PKN3: variants seen among roughly 807,000 people sequenced by gnomAD.
The protein encoded by PKN3 is protein kinase N3.
In PKN3, 91 loss-of-function variants were observed where a neutral mutation model predicts 113.1. That is an observed-to-expected ratio of 0.80 (90% confidence interval 0.68 to 0.96). The LOEUF is 0.96. PKN3 is among the 40% of genes least tolerant of loss of function. PKN3 has a pLI of 0.00. For synonymous variants in PKN3, 467 were observed against 499.0 expected, an observed-to-expected ratio of 0.94 and a Z score of 0.85; for missense variants, 1,052 against 1,202.2, an observed-to-expected ratio of 0.88 and a Z score of 1.85.
Position 128,716,755 on chromosome 9 carries a change from G to A in PKN3, c.1817G>A (p.Cys606Tyr). Reference sequence around the variant, plus strand: ...CTTGCTCTCTCCTGTAGCCTGTACTGCGAGAAGCGGATCCTGGAGGCTGTG... The same window carrying A: ...CTTGCTCTCTCCTGTAGCCTGTACTACGAGAAGCGGATCCTGGAGGCTGTG... ...LSRDEIESLY[C>Y]EKRILEAVGC... Residue 606 changes from cysteine (C) to tyrosine (Y), a missense_variant, in exon 16 of 22, where the codon TGC (cysteine) becomes TAC (tyrosine). Around this residue, in one of 2 missense-constraint regions of PKN3, gnomAD observed 333 missense variants for 442.8 expected, o/e 0.75. Coordinates refer to ENST00000291906, the MANE Select transcript of PKN3 (RefSeq NM_013355.5). 2 of 1,613,810 alleles carry A rather than the reference G, an allele frequency of 1.2e-6. No individual in the cohort carries two copies. Among genetic ancestry groups the A allele is most frequent in the Non-Finnish European group, 1.7e-6 (2 of 1,179,760 alleles).
At chr9:128,703,528 G>A in intron 1 of PKN3, 1 of 985,456 alleles carries the variant, frequency 1.0e-6, no homozygotes, top group Non-Finnish European at 1.2e-6. Context: ...GCTGGCAGTA[G>A]GTGCGCGTGG....
chr9:128,706,336 T>C (rs943379953), intron 3 of PKN3, among the ~76,000 whole-genome samples: 2 of 151,502 alleles, frequency 1.3e-5, no homozygotes, highest in Non-Finnish European at 2.9e-5. Context: ...GCTTAGCCCC[T>C]GCCCTGATCT....
chr9:128,713,929 C>T (rs1256970122), intron 9 of PKN3, 117 bp from the exon 10 acceptor site: 2 of 1,056,576 alleles, frequency 1.9e-6, no homozygotes, highest in Non-Finnish European at 2.9e-6. Flanking sequence ...CTGGGTCTTT[C>T]TGGCTCTTGC....
chr9:128,706,817 G>T lies in PKN3; in HGVS notation c.516G>T (p.Pro172=). 1 of 1,610,636 alleles carries T rather than the reference G, an allele frequency of 6.2e-7. No individual in the cohort carries two copies. Among genetic ancestry groups the T allele is most frequent in the Non-Finnish European group, 8.5e-7 (1 of 1,177,604 alleles). ...KISSLEASGS[P]EPGPELLAEE... is the part of the protein sequence containing the mutation. The stretch of plus-strand genomic sequence containing the variant: ...GCAGCCTGGAGGCCAGTGGGTCCCC[G>T]GAGCCAGGTGAGGCCTTGAGACACA... The change falls in exon 4 of 22, where the codon CCG becomes CCT. Residue 172 remains proline (P), a synonymous_variant. Transcript: ENST00000291906.
chr9:128,703,179 C>T (rs1243677095), intron 1 of PKN3, among the ~76,000 whole-genome samples: 1 of 152,226 alleles, frequency 6.6e-6, no homozygotes, highest in Non-Finnish European at 1.5e-5. Flanking sequence ...GAGACTGAAC[C>T]CCAACCAGCC....
intron 18 of PKN3, 125 bp from the exon 19 acceptor site, chr9:128,719,561 C>T (rs551987239): frequency 7.2e-6 from 7 of 969,394 alleles, no homozygotes; most frequent in South Asian, 1.8e-5. Flanking sequence ...TAACCATTCC[C>T]ACTTCCTTGG....
chr9:128,714,466 C>G (rs1038989369), intron 11 of PKN3, 96 bp from the exon 12 acceptor site: 108 of 1,163,138 alleles, frequency 9.3e-5, no homozygotes, highest in Non-Finnish European at 1.4e-4. Flanking sequence ...GCTCAGCCCG[C>G]TAACCCTCTG....
chr9:128,716,987 T>C, intron 16 of PKN3, 64 bp downstream of exon 16: 1 of 1,377,396 alleles, frequency 7.3e-7, no homozygotes, highest in Non-Finnish European at 1.0e-6. Context: ...ACACCCACTC[T>C]CTACATACTG....
intron 15 of PKN3, among the ~76,000 whole-genome samples, chr9:128,716,002 TAAAA>T (rs1276218034): frequency 8.6e-6 from 1 of 115,874 alleles, no homozygotes; most frequent in East Asian, 2.5e-4. Flanking sequence ...AAAAACTAAT[TAAAA>T]AAAAAAAAAG....
intron 15 of PKN3, 107 bp from the exon 16 acceptor site, chr9:128,716,640 C>T: frequency 1.2e-6 from 1 of 813,792 alleles, no homozygotes; most frequent in Non-Finnish European, 2.0e-6. Flanking sequence ...GTCTACTTGC[C>T]TGGCACTTTG....
intron 6 of PKN3, chr9:128,710,142 A>AG (rs1346395638): frequency 6.6e-6 from 1 of 151,906 alleles, no homozygotes; most frequent in East Asian, 2.0e-4. Context: ...CGTGTTAGCC[A>AG]GGATGGTCTC....
In PKN3 at chr9:128,720,687, G is replaced by A; in HGVS notation, c.*81G>A. ...CGTTCACCCGTGCGCCCTGCCTGGA[G>A]GTCCAGGCCTTGCTGGGTACTTCTG... is the stretch of plus-strand genomic sequence containing the variant. On this transcript the variant is annotated 3_prime_UTR_variant, in exon 22 of 22. Coordinates refer to ENST00000291906, the MANE Select transcript of PKN3 (RefSeq NM_013355.5). This position sits in a 1 kb window ranked among gnomAD's most constrained non-coding sequence, Gnocchi z 5.5. 1 of 1,228,836 alleles carries A rather than the reference G, an allele frequency of 8.1e-7. No homozygotes were observed. The highest frequency in any genetic ancestry group is 2.5e-5 in the East Asian group (1 of 39,648). 76.1% of individuals were successfully genotyped at this position (1,228,836 alleles called of 1,614,324 possible). A position where few individuals can be genotyped will look rare whatever the true frequency, so the allele number is the denominator to read the frequency against.
Position 128,719,713 on chromosome 9 carries a change from C to T in PKN3, c.2153C>T (p.Thr718Ile), listed in dbSNP as rs368665975. 5 of 1,581,676 alleles carry T rather than the reference C, an allele frequency of 3.2e-6. No individual in the cohort carries two copies. The highest frequency in any genetic ancestry group is 4.3e-6 in the Non-Finnish European group (5 of 1,163,364). The change falls in exon 19 of 22, where the codon ACC (threonine) becomes ATC (isoleucine). Residue 718 changes from threonine (T) to isoleucine (I), a missense_variant. This residue lies in a region of PKN3 where 333 missense variants were observed against 442.8 expected (regional missense o/e 0.75). Transcript: ENST00000291906. The part of the protein sequence containing the change: ...EGIGFGDRTS[T>I]FCGTPEFLAP... ...ATCGGCTTCGGGGACCGGACTAGCACCTTCTGTGGCACCCCGGAGTTCCTG... is the reference window on the plus strand; with the variant it reads ...ATCGGCTTCGGGGACCGGACTAGCATCTTCTGTGGCACCCCGGAGTTCCTG...
At position 128,707,379 on chromosome 9, in the gene PKN3, C is replaced by T; in HGVS notation, c.809C>T (p.Thr270Ile). 6.2e-7 allele frequency: 1 copy of T among 1,611,904 alleles called. No individual in the cohort carries two copies. Among genetic ancestry groups the T allele is most frequent in the Middle Eastern group, 1.7e-4 (1 of 6,058 alleles). ...CCTGGATACCCCCAGCCTTCAGGGA[C>T]ACCTGTGAAGCCCACCGCCCTAACA... is the stretch of plus-strand genomic sequence containing the variant. ...AVPGYPQPSG[T>I]PVKPTALTGT... Residue 270 changes from threonine (T) to isoleucine (I), a missense_variant, in exon 6 of 22, where the codon ACA becomes ATA. This residue lies in a region of PKN3 where 719 missense variants were observed against 759.4 expected (regional missense o/e 0.95). Coordinates refer to ENST00000291906, the MANE Select transcript of PKN3 (RefSeq NM_013355.5).
At chr9:128,703,863 C>T in intron 1 of PKN3, 1 of 985,464 alleles carries the variant, frequency 1.0e-6, no homozygotes, top group Non-Finnish European at 1.2e-6. Flanking sequence ...TACACATTTT[C>T]CGATTTCCTG....
Position 128,716,757 on chromosome 9 carries a change from G to A in PKN3, c.1819G>A (p.Glu607Lys), listed in dbSNP as rs549258373. 8 of 1,613,820 alleles carry A rather than the reference G, an allele frequency of 5.0e-6. No individual in the cohort carries two copies. The highest frequency in any genetic ancestry group is 1.7e-5 in the Admixed American group (1 of 60,002). Residue 607 changes from glutamate to lysine, a missense_variant, in exon 16 of 22, where the codon GAG becomes AAG. By Grantham distance (56) the Glu-to-Lys change is moderately conservative. This residue lies in a region of PKN3 where 333 missense variants were observed against 442.8 expected (regional missense o/e 0.75). Transcript: ENST00000291906. ...TGCTCTCTCCTGTAGCCTGTACTGC[G>A]AGAAGCGGATCCTGGAGGCTGTGGG... ...SRDEIESLYCEKRILEAVGCT... is the reference protein window; with the variant it reads ...SRDEIESLYCKKRILEAVGCT...
chr9:128,707,339 T>C lies in PKN3; in HGVS notation c.769T>C (p.Leu257=), dbSNP rs1406597594. 3 of 1,613,568 alleles carry C rather than the reference T, an allele frequency of 1.9e-6. No homozygotes were observed. The highest frequency in any genetic ancestry group is 2.5e-6 in the Non-Finnish European group (3 of 1,179,926). Residue 257 remains leucine, a synonymous_variant, in exon 6 of 22, where the codon TTG becomes CTG. Coordinates refer to ENST00000291906, the MANE Select transcript of PKN3 (RefSeq NM_013355.5). The part of the protein sequence containing the change: ...HPLRSRVTRE[L]RAAVPGYPQP... ...TTTGCGCAGCAGAGTGACCCGAGAG[T>C]TGCGGGCTGCGGTGCCTGGATACCC...
chr9:128,711,689 C>G (rs1322972150), intron 6 of PKN3, among the ~76,000 whole-genome samples: 5 of 151,622 alleles, frequency 3.3e-5, no homozygotes, highest in African/African-American at 1.2e-4. Context: ...ACCTCCGCCT[C>G]CCAGGTTCAA....
At position 128,713,124 on chromosome 9, in the gene PKN3, C is replaced by T; in HGVS notation, c.908C>T (p.Ala303Val). 6.2e-7 allele frequency: 1 copy of T among 1,611,626 alleles called. No individual in the cohort carries two copies. Among genetic ancestry groups the T allele is most frequent in the Non-Finnish European group, 8.5e-7 (1 of 1,179,182 alleles). The change falls in exon 7 of 22, where the codon GCA becomes GTA. Residue 303 changes from alanine (A) to valine (V), a missense_variant. Around this residue, in one of 2 missense-constraint regions of PKN3, gnomAD observed 719 missense variants for 759.4 expected, o/e 0.95. Transcript: ENST00000291906. ...GTGCCTGGGCGCTCCCCAGCGGCCG[C>T]ACTGGCCAGCAGCCCCTCCGAGGGC... is the stretch of plus-strand genomic sequence containing the variant. ...TAVPGRSPAAALASSPSEGWL... is the reference protein window; with the variant it reads ...TAVPGRSPAAVLASSPSEGWL...
Sources: gnomAD v4.1 joint callset for allele counts (sites outside exome capture counted in the v4.1 genomes callset) on GRCh38, gnomAD v4.1.1 for gene constraint, gnomAD v4.1.1 regional missense constraint, Gnocchi (gnomAD v3.1) non-coding constraint, MANE v1.5 for transcripts, NCBI Gene and HGNC (gene_info 2026-07-23, HGNC 2026-07-21) for gene names.